PPP2R2C: variants seen among roughly 807,000 people sequenced by gnomAD.
PPP2R2C encodes protein phosphatase 2, regulatory subunit B, gamma.
PPP2R2C carries 10 observed loss-of-function variants against 45.3 expected under a neutral mutation model. The ratio of observed to expected loss-of-function variants is 0.22; its 90% CI spans 0.14 to 0.37. PPP2R2C has a LOEUF of 0.37. Ranked by LOEUF, PPP2R2C falls within the 10% of genes least tolerant of loss-of-function variation. PPP2R2C has a pLI of 1.00. For synonymous variants in PPP2R2C, 257 were observed against 245.4 expected (o/e 1.05, Z -0.44); for missense variants, 308 against 619.7 (o/e 0.50, Z 5.34).
intron 1 of PPP2R2C, chr4:6,381,711 C>T (rs1715808913): frequency 1.3e-6 from 2 of 1,568,284 alleles, no homozygotes; most frequent in Non-Finnish European, 1.7e-6. Context: ...ACCCTCCCTG[C>T]ACTTCATCCC....
chr4:6,325,371 A>C (rs1281800387), intron 8 of PPP2R2C, among the ~76,000 whole-genome samples: 1 of 152,140 alleles, frequency 6.6e-6, no homozygotes, highest in Non-Finnish European at 1.5e-5. Flanking sequence ...AGCCTGGGAC[A>C]AGGGAAGCAG....
chr4:6,387,893 C>G (rs1027265091), intron 1 of PPP2R2C, among the ~76,000 whole-genome samples: 1 of 152,074 alleles, frequency 6.6e-6, no homozygotes, highest in African/African-American at 2.4e-5. Flanking sequence ...TCAGAACAAT[C>G]CCATCGACCA....
chr4:6,351,004 CT>C (rs1354466686), intron 5 of PPP2R2C: 1 of 985,232 alleles, frequency 1.0e-6, no homozygotes, highest in Non-Finnish European at 1.2e-6. Flanking sequence ...TGTTTCAGAA[CT>C]TTTCAAAGTA....
chr4:6,514,652 T>C (rs532349636), intron 2 of PPP2R2C, among the ~76,000 whole-genome samples: 2 of 152,290 alleles, frequency 1.3e-5, no homozygotes, highest in African/African-American at 4.8e-5. Context: ...GGGATAGAAA[T>C]TAGTGCAGGA....
intron 1 of PPP2R2C, among the ~76,000 whole-genome samples, chr4:6,395,977 G>A (rs1206056525): frequency 4.6e-5 from 7 of 152,186 alleles, no homozygotes; most frequent in Admixed American, 2.0e-4. Flanking sequence ...ACAAGGAGTG[G>A]CTTTGGAGAT....
Position 6,394,644 on chromosome 4 carries a change from TG to T in PPP2R2C, c.71-13551del, listed in dbSNP as rs146249788. Among the ~76,000 whole-genome samples, 1,232 of 152,274 alleles carry T rather than the reference TG, an allele frequency of 8.1e-3. 7 individuals are homozygous for T. The highest frequency in any genetic ancestry group is 0.024 in the Middle Eastern group (7 of 294). ...GTGATGTGCTGTTCCCATCCCAGGA[TG>T]GGGGGCATGGAGGCCTGACACTGAT... is the stretch of plus-strand genomic sequence containing the variant. On this transcript the variant is annotated intron_variant, in intron 1 of 8. Transcript: ENST00000382599.
intron 1 of PPP2R2C, 104 bp downstream of exon 1, chr4:6,472,056 G>T (rs971982736): frequency 2.0e-5 from 27 of 1,359,678 alleles, no homozygotes; most frequent in Non-Finnish European, 2.5e-5. Flanking sequence ...GGGGCGGGGG[G>T]ACACGACACA....
upstream of PPP2R2C, among the ~76,000 whole-genome samples, chr4:6,473,527 A>G (rs1722028040): frequency 6.6e-6 from 1 of 152,092 alleles, no homozygotes; most frequent in Non-Finnish European, 1.5e-5. Flanking sequence ...AGCTCAACAG[A>G]GCCTTCCTGG....
intron 2 of PPP2R2C, among the ~76,000 whole-genome samples, chr4:6,489,314 A>C (rs1237511534): frequency 1.3e-5 from 2 of 152,136 alleles, no homozygotes; most frequent in African/African-American, 4.8e-5. Flanking sequence ...TGAGAAGCTA[A>C]GTCTGGTCCC....
At chr4:6,511,498 G>A (rs1181449225) in intron 2 of PPP2R2C, among the ~76,000 whole-genome samples, 22 of 73,740 alleles carry the variant, frequency 3.0e-4, no homozygotes, top group African/African-American at 1.3e-3. Flanking sequence ...GGTGGTGATG[G>A]CGGTGATGGT....
intron 1 of PPP2R2C, chr4:6,535,511 C>T (rs1724577901): frequency 6.5e-6 from 4 of 612,554 alleles, no homozygotes; most frequent in Middle Eastern, 2.6e-4. Flanking sequence ...CTCCAGCCAG[C>T]CCTGGGCCAG....
intron 1 of PPP2R2C, among the ~76,000 whole-genome samples, chr4:6,547,960 G>A (rs1725047644): frequency 6.6e-6 from 1 of 152,182 alleles, no homozygotes; most frequent in African/African-American, 2.4e-5. Flanking sequence ...GCTCACACCT[G>A]TAATCCCAGC....
At chr4:6,475,248 A>G (rs183338287), upstream of PPP2R2C, among the ~76,000 whole-genome samples, 23 of 148,362 alleles carry the variant, frequency 1.6e-4, no homozygotes, top group East Asian at 3.3e-3. Flanking sequence ...TGGAGATAGA[A>G]AGGAACGGGG....
intron 6 of PPP2R2C, among the ~76,000 whole-genome samples, chr4:6,346,097 G>C (rs1024923135): frequency 3.9e-5 from 6 of 152,122 alleles, no homozygotes; most frequent in Non-Finnish European, 8.8e-5. Flanking sequence ...CATCCAGAGG[G>C]GGCAGCCAGG....
chr4:6,543,166 C>A (rs953871272), intron 1 of PPP2R2C, among the ~76,000 whole-genome samples: 2 of 152,198 alleles, frequency 1.3e-5, no homozygotes, highest in Non-Finnish European at 2.9e-5. Flanking sequence ...GGGCCCAAGG[C>A]AGGACGGCGT....
At chr4:6,512,149 G>GTGGTGA (rs1330570364) in intron 2 of PPP2R2C, among the ~76,000 whole-genome samples, 1 of 70,726 alleles carries the variant, frequency 1.4e-5, no homozygotes, top group Non-Finnish European at 2.7e-5. Context: ...TATGGTGGTA[G>GTGGTGA]TGGTGATGGT....
Position 6,364,849 on chromosome 4 carries a change from C to G in PPP2R2C, c.625+7674G>C, listed in dbSNP as rs932621487. On this transcript the variant is annotated intron_variant, in intron 5 of 8. Coordinates refer to ENST00000382599, the MANE Select transcript of PPP2R2C (RefSeq NM_020416.4). This position sits in a 1 kb window ranked among gnomAD's most constrained non-coding sequence, Gnocchi z 5.3. Reference sequence around the variant, plus strand: ...GGCCTAAACACATGCTGGGGGCAGACAGGCAGGTGGGCTCTGGGTGCATTT... The same window carrying G: ...GGCCTAAACACATGCTGGGGGCAGAGAGGCAGGTGGGCTCTGGGTGCATTT... 6.6e-6 allele frequency among the ~76,000 whole-genome samples: 1 copy of G among 152,142 alleles called. No homozygotes were observed. Among genetic ancestry groups the G allele is most frequent in the Non-Finnish European group, 1.5e-5 (1 of 68,024 alleles).
rs1422390617 is a variant in PPP2R2C, at chr4:6,563,048, C to T, written c.-59+512G>A. Reference sequence around the variant, plus strand: ...ACCGGCGCGGGCAGCGGGAGGAGCGCGTAGACGCTGCTGGATGGTACCCGC... The same window carrying T: ...ACCGGCGCGGGCAGCGGGAGGAGCGTGTAGACGCTGCTGGATGGTACCCGC... On this transcript the variant is annotated intron_variant, in intron 1 of 9. Coordinates refer to the PPP2R2C transcript ENST00000506140. This position sits in a 1 kb window ranked among gnomAD's most constrained non-coding sequence, Gnocchi z 5.8. 1.3e-5 allele frequency among the ~76,000 whole-genome samples: 2 copies of T among 152,096 alleles called. No homozygotes were observed. The highest frequency in any genetic ancestry group is 2.9e-5 in the Non-Finnish European group (2 of 67,992).
chr4:6,389,383 G>C (rs890264423), intron 1 of PPP2R2C, among the ~76,000 whole-genome samples: 1 of 152,290 alleles, frequency 6.6e-6, no homozygotes, highest in Non-Finnish European at 1.5e-5. Context: ...GCAGAGAGGG[G>C]GCCTTAGGCA....
Sources: gnomAD v4.1 joint callset for allele counts (sites outside exome capture counted in the v4.1 genomes callset) on GRCh38, gnomAD v4.1.1 for gene constraint, Gnocchi (gnomAD v3.1) non-coding constraint, MANE v1.5 for transcripts, NCBI Gene and HGNC (gene_info 2026-07-23, HGNC 2026-07-21) for gene names.